KMT2C: variants seen among roughly 807,000 people sequenced by gnomAD.
The protein encoded by KMT2C is histone-lysine N-methyltransferase 2C.
A neutral mutation model predicts 507.9 loss-of-function variants in KMT2C; 88 were observed. The ratio of observed to expected loss-of-function variants is 0.17; its 90% confidence interval spans 0.15 to 0.21. KMT2C has a LOEUF of 0.21. Ranked by LOEUF, KMT2C falls within the 10% of genes least tolerant of loss-of-function variation. The pLI, the probability that KMT2C is intolerant of heterozygous loss-of-function variation, is 1.00. For synonymous variants in KMT2C, 2,049 were observed against 2,080.8 expected, an observed-to-expected ratio of 0.98 and a Z score of 0.42; for missense variants, 4,954 against 5,957.8, an observed-to-expected ratio of 0.83 and a Z score of 5.55.
chr7:152,234,625 G>A (rs2095225509), intron 16 of KMT2C, among the ~76,000 whole-genome samples: 1 of 152,142 alleles, frequency 6.6e-6, no homozygotes, highest in African/African-American at 2.4e-5. Flanking sequence ...ACAGGCTGGG[G>A]CATGGTGACT....
intron 31 of KMT2C, among the ~76,000 whole-genome samples, chr7:152,192,435 G>T (rs73481028): frequency 9.9e-5 from 15 of 152,060 alleles, no homozygotes; most frequent in African/African-American, 3.4e-4. Flanking sequence ...CCAGCTACTC[G>T]GGAGGCTAAG....
intron 1 of KMT2C, among the ~76,000 whole-genome samples, chr7:152,426,860 T>C (rs998415582): frequency 6.6e-6 from 1 of 152,218 alleles, no homozygotes; most frequent in African/African-American, 2.4e-5. Flanking sequence ...TAGACTTGAA[T>C]CCAGAAGGTC....
At chr7:152,414,127 T>G (rs2097709974) in intron 1 of KMT2C, among the ~76,000 whole-genome samples, 1 of 151,448 alleles carries the variant, frequency 6.6e-6, no homozygotes, top group Non-Finnish European at 1.5e-5. Context: ...GGAGAATTGC[T>G]TGAACCCAGG....
chr7:152,146,202 G>A (rs2129093836), intron 53 of KMT2C, among the ~76,000 whole-genome samples: 1 of 152,304 alleles, frequency 6.6e-6, no homozygotes, highest in South Asian at 2.1e-4. Flanking sequence ...TTCATCCTAG[G>A]AAGAGGGCAG....
intron 33 of KMT2C, among the ~76,000 whole-genome samples, chr7:152,186,501 A>T (rs984178419): frequency 1.3e-5 from 2 of 152,220 alleles, no homozygotes; most frequent in Non-Finnish European, 2.9e-5. Context: ...TTCATTTATT[A>T]CAATACATAA....
At chr7:152,394,999 G>A (rs113600684) in intron 1 of KMT2C, among the ~76,000 whole-genome samples, 8 of 152,026 alleles carry the variant, frequency 5.3e-5, no homozygotes, top group Admixed American at 2.0e-4. Flanking sequence ...CAAAGTACCC[G>A]AAATAGGGTA....
At chr7:152,229,203 A>C (rs1351326305) in intron 18 of KMT2C, among the ~76,000 whole-genome samples, 1 of 152,140 alleles carries the variant, frequency 6.6e-6, no homozygotes, top group Admixed American at 6.6e-5. Flanking sequence ...TTCCTTGTGG[A>C]GTATACAGTT....
intron 1 of KMT2C, among the ~76,000 whole-genome samples, chr7:152,408,083 T>A (rs2097639385): frequency 6.6e-6 from 1 of 151,990 alleles, no homozygotes; most frequent in Non-Finnish European, 1.5e-5. Context: ...AGGTCAGGAG[T>A]TCGAGACCAG....
chr7:152,199,145 G>C (rs1183003637), intron 27 of KMT2C, 134 bp downstream of exon 27: 1 of 663,042 alleles, frequency 1.5e-6, no homozygotes, highest in Admixed American at 3.7e-5. Context: ...CTTACTGAAT[G>C]TAAGTTATAC....
At chr7:152,381,880 G>A (rs2097377341) in intron 1 of KMT2C, among the ~76,000 whole-genome samples, 2 of 152,038 alleles carry the variant, frequency 1.3e-5, no homozygotes, top group South Asian at 2.1e-4. Context: ...ACATTTCAAC[G>A]GATCCTTTTC....
chr7:152,386,898 G>C (rs1254722431), intron 1 of KMT2C, among the ~76,000 whole-genome samples: 1 of 152,120 alleles, frequency 6.6e-6, no homozygotes, highest in Non-Finnish European at 1.5e-5. Flanking sequence ...GATCTTAAGT[G>C]ACTTCCAAGA....
intron 38 of KMT2C, among the ~76,000 whole-genome samples, chr7:152,174,872 C>G (rs766873610): frequency 7.2e-5 from 11 of 152,100 alleles, no homozygotes; most frequent in Non-Finnish European, 1.2e-4. Context: ...AATCAGTAAA[C>G]CATTAGAAAC....
At chr7:152,211,508 G>A (rs1178833471) in intron 23 of KMT2C, among the ~76,000 whole-genome samples, 1 of 152,150 alleles carries the variant, frequency 6.6e-6, no homozygotes, top group African/African-American at 2.4e-5. Flanking sequence ...TTGTGGCCAA[G>A]GATAACACTG....
intron 31 of KMT2C, among the ~76,000 whole-genome samples, chr7:152,191,107 TA>T (rs1396170887): frequency 6.6e-6 from 1 of 152,240 alleles, no homozygotes; most frequent in Admixed American, 6.5e-5. Context: ...CGAGATTCTA[TA>T]CTCTACTGGC....
chr7:152,210,919 T>A (rs932419557), intron 23 of KMT2C, among the ~76,000 whole-genome samples: 18 of 152,202 alleles, frequency 1.2e-4, no homozygotes, highest in African/African-American at 4.3e-4. Context: ...AAACTGAGTA[T>A]GTTTCACATC....
At chr7:152,430,360 C>T (rs2097854268) in intron 1 of KMT2C, among the ~76,000 whole-genome samples, 1 of 151,272 alleles carries the variant, frequency 6.6e-6, no homozygotes, top group African/African-American at 2.4e-5. Flanking sequence ...TGGACCAAAA[C>T]AATATAGAAA....
At position 152,177,311 on chromosome 7, in the gene KMT2C, A is replaced by G; in HGVS notation, c.8142T>C (p.Asp2714=). 1.2e-6 allele frequency: 2 copies of G among 1,614,128 alleles called. No individual in the cohort carries two copies. ...LEGVEVKDLD[D]EDLENLNLDT... ...CTAAATTTAAGTTTTCAAGATCTTC[A>G]TCATCTAAGTCTTTGACTTCAACCC... Residue 2714 remains aspartate, a synonymous_variant, in exon 38 of 59, where the codon GAT becomes GAC. Transcript: ENST00000262189.
chr7:152,183,175 A>G lies in KMT2C; in HGVS notation c.5083-19T>C. Reference sequence around the variant, plus strand: ...CTTTTTGCTTTGACAAAAGAAGAGAAAAAAATTTCCCAGATTATGTTAAAT... The same window carrying G: ...CTTTTTGCTTTGACAAAAGAAGAGAGAAAAATTTCCCAGATTATGTTAAAT... On this transcript the variant is annotated intron_variant, in intron 34 of 58. Transcript: ENST00000262189. 6.6e-7 allele frequency: 1 copy of G among 1,506,074 alleles called. No homozygotes were observed. Among genetic ancestry groups the G allele is most frequent in the Non-Finnish European group, 8.9e-7 (1 of 1,127,820 alleles). The allele number at this position is 1,506,074 out of a possible 1,614,324, so 93.3% of individuals were successfully genotyped here.
At chr7:152,142,339 C>T (rs769247868) in intron 55 of KMT2C, among the ~76,000 whole-genome samples, 1 of 152,132 alleles carries the variant, frequency 6.6e-6, no homozygotes, top group Non-Finnish European at 1.5e-5. Context: ...GATATGAATA[C>T]GCAATTCCTA....
Sources: gnomAD v4.1 joint callset for allele counts (sites outside exome capture counted in the v4.1 genomes callset) on GRCh38, gnomAD v4.1.1 for gene constraint, MANE v1.5 for transcripts, NCBI Gene and HGNC (gene_info 2026-07-23, HGNC 2026-07-21) for gene names.